TRIM24: variants seen among roughly 807,000 people sequenced by gnomAD.
The protein encoded by TRIM24 is tripartite motif containing 24, also known as transcription intermediary factor 1-alpha.
TRIM24 carries 29 observed loss-of-function variants against 123.9 expected under a neutral mutation model. That is an observed-to-expected ratio of 0.23 (90% CI 0.17 to 0.32). TRIM24 has a LOEUF of 0.32. Among genes scored for constraint, TRIM24 ranks in the 10% least tolerant of loss-of-function variants. The pLI is 1.00. For missense variants in TRIM24, 932 were observed against 1,295.3 expected (o/e 0.72, Z 4.31); for synonymous variants, 456 against 461.1 (o/e 0.99, Z 0.14).
chr7:138,498,112 C>T (rs887536079), intron 1 of TRIM24, among the ~76,000 whole-genome samples: 5 of 152,160 alleles, frequency 3.3e-5, no homozygotes, highest in African/African-American at 9.7e-5. Context: ...CCTCTGCCTC[C>T]CAGGCTCAAG....
At chr7:138,527,554 C>T (rs1421504754) in intron 5 of TRIM24, among the ~76,000 whole-genome samples, 1 of 152,142 alleles carries the variant, frequency 6.6e-6, no homozygotes, top group Admixed American at 6.5e-5. Context: ...ATCTGGTTCC[C>T]TTGATCCTGT....
chr7:138,509,733 A>C (rs1796246520), intron 2 of TRIM24, among the ~76,000 whole-genome samples: 1 of 151,504 alleles, frequency 6.6e-6, no homozygotes, highest in Admixed American at 6.6e-5. Context: ...GAAAAAGAAA[A>C]GAAAAAAAGA....
chr7:138,522,650 A>T (rs1273663099), intron 4 of TRIM24, among the ~76,000 whole-genome samples: 1 of 149,534 alleles, frequency 6.7e-6, no homozygotes, highest in Non-Finnish European at 1.5e-5. Flanking sequence ...AAACAAAGTC[A>T]TTTTTTTTTT....
At chr7:138,572,066 T>C (rs1486339063) in intron 11 of TRIM24, among the ~76,000 whole-genome samples, 1 of 152,204 alleles carries the variant, frequency 6.6e-6, no homozygotes, top group Non-Finnish European at 1.5e-5. Context: ...ACCTATAAGA[T>C]TGTGAAAATA....
At chr7:138,499,952 A>G (rs1584702217) in intron 1 of TRIM24, among the ~76,000 whole-genome samples, 1 of 152,204 alleles carries the variant, frequency 6.6e-6, no homozygotes, top group East Asian at 1.9e-4. Context: ...ATTTTGCGTT[A>G]TATATATCCT....
chr7:138,571,994 A>G lies in TRIM24; in HGVS notation c.1878+991A>G, dbSNP rs995937037. On this transcript the variant is annotated intron_variant, in intron 11 of 18. Transcript: ENST00000343526. ...ATAACCTACTGTCGTGCACATATAC[A>G]TACGCACCTAATGTTAAGAAGCTTT... Among the ~76,000 whole-genome samples, 3 of 152,184 alleles carry G rather than the reference A, an allele frequency of 2.0e-5. No individual in the cohort carries two copies. In the East Asian group the frequency reaches 5.8e-4, roughly 29 times the overall value.
At chr7:138,545,580 A>C (rs1349048664) in intron 7 of TRIM24, 6 of 454,826 alleles carry the variant, frequency 1.3e-5, no homozygotes, top group Non-Finnish European at 1.8e-5. Context: ...TTGGACTCAG[A>C]TCTAGCAATA....
At chr7:138,476,984 G>A in intron 1 of TRIM24, among the ~76,000 whole-genome samples, 1 of 152,184 alleles carries the variant, frequency 6.6e-6, no homozygotes. Context: ...CTGCTGTGGA[G>A]TGAATTCCAT....
At chr7:138,507,978 T>C (rs1282186615) in intron 2 of TRIM24, among the ~76,000 whole-genome samples, 1 of 152,134 alleles carries the variant, frequency 6.6e-6, no homozygotes, top group African/African-American at 2.4e-5. Context: ...ATCTCATTAT[T>C]ATCAAATATC....
chr7:138,524,777 A>G (rs1258777319), intron 4 of TRIM24, among the ~76,000 whole-genome samples: 1 of 152,152 alleles, frequency 6.6e-6, no homozygotes, highest in East Asian at 1.9e-4. Flanking sequence ...ATTACAAGGC[A>G]TAACATCAAG....
intron 9 of TRIM24, among the ~76,000 whole-genome samples, chr7:138,564,047 T>C (rs1797482179): frequency 6.6e-6 from 1 of 152,182 alleles, no homozygotes; most frequent in Non-Finnish European, 1.5e-5. Flanking sequence ...CTGCCTACAG[T>C]CTGGCCACGT....
chr7:138,526,135 A>T (rs1306021135), intron 5 of TRIM24, among the ~76,000 whole-genome samples: 1 of 152,238 alleles, frequency 6.6e-6, no homozygotes, highest in Non-Finnish European at 1.5e-5. Flanking sequence ...GAGCCAGCGT[A>T]AAAGAGACCT....
chr7:138,577,089 G>C (rs998921301), intron 13 of TRIM24, among the ~76,000 whole-genome samples: 1 of 152,150 alleles, frequency 6.6e-6, no homozygotes, highest in African/African-American at 2.4e-5. Context: ...CTACTGACTA[G>C]AGAAGGAAAT....
chr7:138,461,013 G>C (rs1346652772), intron 1 of TRIM24, 101 bp downstream of exon 1: 1 of 1,117,642 alleles, frequency 8.9e-7, no homozygotes, highest in Non-Finnish European at 1.2e-6. Flanking sequence ...CGCCGCCCGG[G>C]GTGCGCGGCG....
intron 2 of TRIM24, among the ~76,000 whole-genome samples, chr7:138,506,459 G>T (rs1004690221): frequency 2.0e-5 from 3 of 152,084 alleles, no homozygotes; most frequent in Non-Finnish European, 2.9e-5. Flanking sequence ...AGTAGTATCT[G>T]TGTATGCTCA....
intron 10 of TRIM24, 114 bp from the exon 11 acceptor site, chr7:138,570,716 T>C (rs1797636317): frequency 1.0e-6 from 1 of 998,904 alleles, no homozygotes; most frequent in African/African-American, 1.6e-5. Context: ...CCCATTCTCC[T>C]TCCATGTAAA....
intron 1 of TRIM24, among the ~76,000 whole-genome samples, chr7:138,468,066 A>G (rs1430517815): frequency 1.3e-5 from 2 of 152,176 alleles, no homozygotes; most frequent in Admixed American, 1.3e-4. Flanking sequence ...ATGAGAAAGG[A>G]TTTCCTTACC....
At chr7:138,468,952 C>A (rs946369080) in intron 1 of TRIM24, among the ~76,000 whole-genome samples, 13 of 152,316 alleles carry the variant, frequency 8.5e-5, no homozygotes, top group Admixed American at 2.6e-4. Flanking sequence ...ACAAAATAGT[C>A]CTCAGTTAGG....
chr7:138,529,657 G>A (rs566496688), intron 6 of TRIM24, among the ~76,000 whole-genome samples: 4 of 152,152 alleles, frequency 2.6e-5, no homozygotes, highest in Non-Finnish European at 5.9e-5. Context: ...GGCTAGCCCT[G>A]CCCTCAACAT....
Sources: gnomAD v4.1 joint callset for allele counts (sites outside exome capture counted in the v4.1 genomes callset) on GRCh38, gnomAD v4.1.1 for gene constraint, MANE v1.5 for transcripts, NCBI Gene and HGNC (gene_info 2026-07-23, HGNC 2026-07-21) for gene names.